COL25A1: variants seen among roughly 807,000 people sequenced by gnomAD.
COL25A1 encodes collagen type XXV alpha 1 chain, also known as collagen alpha-1(XXV) chain.
A neutral mutation model predicts 128.4 loss-of-function variants in COL25A1; 103 were observed. The observed-to-expected ratio is 0.80, with a 90% CI of 0.68 to 0.94. The LOEUF (loss-of-function observed/expected upper bound fraction) is 0.94, where lower values mean the gene tolerates loss of function less well. Ranked by LOEUF, COL25A1 falls within the 40% of genes least tolerant of loss-of-function variation. COL25A1 has a pLI of 0.00. For missense variants in COL25A1, 745 were observed against 840.0 expected (o/e 0.89, Z 1.40); for synonymous variants, 279 against 277.2 (o/e 1.01, Z -0.06).
At chr4:109,203,533 G>T (rs964216562) in intron 3 of COL25A1, among the ~76,000 whole-genome samples, 2 of 152,000 alleles carry the variant, frequency 1.3e-5, no homozygotes, top group Admixed American at 1.3e-4. Context: ...GAAGCTTCAG[G>T]AAAGCAATTT....
chr4:109,300,532 T>A lies in COL25A1; in HGVS notation c.367+51A>T, dbSNP rs1390715958. Reference sequence around the variant, plus strand: ...GACTTGACAGACACAGGACCTTTGTTTTAAAATGCTCTGCTCTGGAGGAAA... The same window carrying A: ...GACTTGACAGACACAGGACCTTTGTATTAAAATGCTCTGCTCTGGAGGAAA... On this transcript the variant is annotated intron_variant, in intron 3 of 37. Coordinates refer to ENST00000399132, the MANE Select transcript of COL25A1 (RefSeq NM_198721.4). 2.3e-6 allele frequency: 3 copies of A among 1,294,668 alleles called. No individual in the cohort carries two copies. In the Admixed American group the frequency reaches 5.1e-5, roughly 22 times the overall value. 80.2% of individuals were successfully genotyped at this position (1,294,668 alleles called of 1,614,324 possible).
rs188046551 is a variant in COL25A1, at chr4:108,987,347, A to G, written c.439-12788T>C. 4.7e-4 allele frequency among the ~76,000 whole-genome samples: 72 copies of G among 151,748 alleles called. 1 individual carries two copies. The highest frequency in any genetic ancestry group is 4.0e-3 in the South Asian group (19 of 4,778). ...ATTATCAATTGTCATTTTGCTTGGA[A>G]TAGTTACAGCATACCTTTCTTTTTT... On this transcript the variant is annotated intron_variant, in intron 6 of 37. Coordinates refer to ENST00000399132, the MANE Select transcript of COL25A1 (RefSeq NM_198721.4).
rs1757179952 is a variant in COL25A1, at chr4:109,016,041, C to T, written c.421-5666G>A. On this transcript the variant is annotated intron_variant, in intron 5 of 37. Coordinates refer to ENST00000399132, the MANE Select transcript of COL25A1 (RefSeq NM_198721.4). ...TTGGTGGGGTGGGTGCCCCGCACTT[C>T]TGGGGGCAGCTGCAGCTGCCCAGTC... Among the ~76,000 whole-genome samples the T allele has an allele frequency of 3.3e-5, 5 of 152,320 alleles. No individual in the cohort carries two copies. In the South Asian group the frequency reaches 1.0e-3, roughly 32 times the overall value.
chr4:108,846,935 T>C (rs1447288837), intron 27 of COL25A1, among the ~76,000 whole-genome samples: 1 of 146,494 alleles, frequency 6.8e-6, no homozygotes, highest in Non-Finnish European at 1.5e-5. Flanking sequence ...AGTTGGAGTC[T>C]CACTCTGTCA....
chr4:109,031,527 G>A (rs1758867279), intron 5 of COL25A1, among the ~76,000 whole-genome samples: 2 of 152,174 alleles, frequency 1.3e-5, no homozygotes, highest in South Asian at 2.1e-4. Context: ...CCTTAAGGAT[G>A]CCAGCAGCTG....
At chr4:109,077,434 C>A (rs1763473426) in intron 3 of COL25A1, among the ~76,000 whole-genome samples, 1 of 149,772 alleles carries the variant, frequency 6.7e-6, no homozygotes, top group Admixed American at 6.6e-5. Context: ...CCCACCACCA[C>A]CCCCCCGCCC....
At chr4:109,156,181 A>G (rs961698652) in intron 3 of COL25A1, among the ~76,000 whole-genome samples, 4 of 152,230 alleles carry the variant, frequency 2.6e-5, no homozygotes, top group Non-Finnish European at 5.9e-5. Context: ...CTTTGGGACA[A>G]GTCTGACCCA....
At chr4:109,021,196 T>G (rs1413355428) in intron 5 of COL25A1, among the ~76,000 whole-genome samples, 2 of 152,220 alleles carry the variant, frequency 1.3e-5, no homozygotes, top group African/African-American at 4.8e-5. Flanking sequence ...GTCTCCTGTT[T>G]CTGGTGAGAA....
chr4:109,208,212 C>T (rs1777163582), intron 3 of COL25A1, among the ~76,000 whole-genome samples: 1 of 152,186 alleles, frequency 6.6e-6, no homozygotes, highest in Non-Finnish European at 1.5e-5. Context: ...CTGGGCAAAA[C>T]TACTTTGACT....
rs34039825 is a variant in COL25A1, at chr4:108,840,242, CAA to C, written c.1656+1451_1656+1452del. Among the ~76,000 whole-genome samples, 178 of 95,322 alleles carry C rather than the reference CAA, an allele frequency of 1.9e-3. 1 individual carries two copies. The highest frequency in any genetic ancestry group is 6.8e-3 in the African/African-American group (160 of 23,444). The allele number at this position is 95,322 out of a possible 152,430, so 62.5% of individuals were successfully genotyped here. A position where few individuals can be genotyped will look rare whatever the true frequency, so the allele number is the denominator to read the frequency against. ...GGGAAACAAGAGCGAAACGCCATCTCAAAAAAAAAAAAAAAAAAAATCCATGA... is the reference window on the plus strand; with the variant it reads ...GGGAAACAAGAGCGAAACGCCATCTCAAAAAAAAAAAAAAAAAATCCATGA... On this transcript the variant is annotated intron_variant, in intron 31 of 37. Transcript: ENST00000399132.
chr4:109,011,983 G>A (rs543971141), intron 5 of COL25A1, among the ~76,000 whole-genome samples: 1 of 152,294 alleles, frequency 6.6e-6, no homozygotes, highest in African/African-American at 2.4e-5. Context: ...ACTAAACGTA[G>A]AGAAGATTTC....
chr4:109,060,479 G>A (rs1462788091), intron 3 of COL25A1, among the ~76,000 whole-genome samples: 2 of 152,074 alleles, frequency 1.3e-5, no homozygotes, highest in African/African-American at 4.8e-5. Flanking sequence ...TGGCAGATGA[G>A]GTAAATCATA....
intron 3 of COL25A1, among the ~76,000 whole-genome samples, chr4:109,232,462 T>C (rs1779223367): frequency 1.3e-5 from 2 of 152,172 alleles, no homozygotes; most frequent in South Asian, 4.1e-4. Context: ...AGTCACTGTC[T>C]TCAACAGAAA....
At chr4:109,000,263 ATATAT>A (rs1390514804) in intron 6 of COL25A1, among the ~76,000 whole-genome samples, 1 of 152,156 alleles carries the variant, frequency 6.6e-6, no homozygotes, top group Non-Finnish European at 1.5e-5. Context: ...GACATCTTAC[ATATAT>A]TATTTCAGTC....
intron 32 of COL25A1, among the ~76,000 whole-genome samples, chr4:108,829,214 T>C (rs1387035647): frequency 6.6e-6 from 1 of 152,104 alleles, no homozygotes; most frequent in Non-Finnish European, 1.5e-5. Flanking sequence ...ACAGTCCCTT[T>C]AAGAATGGAG....
chr4:109,185,512 T>C (rs1402065973), intron 3 of COL25A1, among the ~76,000 whole-genome samples: 1 of 152,210 alleles, frequency 6.6e-6, no homozygotes, highest in East Asian at 1.9e-4. Flanking sequence ...CAAACCTTCC[T>C]GTCTATTTTT....
At chr4:108,894,515 A>C (rs1044325222) in intron 16 of COL25A1, among the ~76,000 whole-genome samples, 3 of 152,338 alleles carry the variant, frequency 2.0e-5, no homozygotes, top group Admixed American at 2.0e-4. Context: ...TTCATGACAC[A>C]TGAAAATTAC....
intron 3 of COL25A1, among the ~76,000 whole-genome samples, chr4:109,100,021 C>T (rs1765746625): frequency 1.3e-5 from 2 of 151,926 alleles, no homozygotes; most frequent in African/African-American, 4.8e-5. Flanking sequence ...TCTGTAAGCC[C>T]AAAATACTCT....
rs181691318 is a variant in COL25A1 at position 109,159,763 on chromosome 4, A to T, written c.368-109584T>A. Among the ~76,000 whole-genome samples the T allele has an allele frequency of 1.6e-4, 25 of 152,344 alleles. No individual in the cohort carries two copies. The East Asian group carries it at 4.0e-3, about 25-fold the overall frequency. On this transcript the variant is annotated intron_variant, in intron 3 of 37. Coordinates refer to ENST00000399132, the MANE Select transcript of COL25A1 (RefSeq NM_198721.4). Reference sequence around the variant, plus strand: ...AGTGGATTTGGAAAGTATTATCAACATTAGACCATTTCTAACATTTTGGAG... The same window carrying T: ...AGTGGATTTGGAAAGTATTATCAACTTTAGACCATTTCTAACATTTTGGAG...
Sources: allele counts gnomAD v4.1 joint callset (sites outside exome capture counted in the v4.1 genomes callset), GRCh38; gene constraint gnomAD v4.1.1; transcripts MANE v1.5; gene names NCBI Gene and HGNC (gene_info 2026-07-23, HGNC 2026-07-21).